KCNIP4: variants seen among roughly 807,000 people sequenced by gnomAD.
KCNIP4 encodes the protein Kv channel-interacting protein 4.
Under a neutral mutation model 34.0 loss-of-function variants are expected in KCNIP4, and 12 were observed. The observed-to-expected ratio is 0.35, with a 90% CI of 0.23 to 0.57. The LOEUF is 0.57. Ranked by LOEUF, KCNIP4 falls within the 20% of genes least tolerant of loss-of-function variation. KCNIP4 has a pLI of 0.83. For missense variants in KCNIP4, 238 were observed against 311.7 expected, an observed-to-expected ratio of 0.76 and a Z score of 1.78; for synonymous variants, 124 against 102.2, an observed-to-expected ratio of 1.21 and a Z score of -1.29.
chr4:21,280,481 A>G (rs1762710430), intron 1 of KCNIP4, among the ~76,000 whole-genome samples: 1 of 152,222 alleles, frequency 6.6e-6, no homozygotes, highest in Non-Finnish European at 1.5e-5. Flanking sequence ...TTCTAGTAAC[A>G]GCAAAAGCCT....
intron 1 of KCNIP4, among the ~76,000 whole-genome samples, chr4:21,687,860 C>G (rs187978175): frequency 1.1e-3 from 167 of 152,224 alleles, no homozygotes; most frequent in Non-Finnish European, 1.8e-3. Flanking sequence ...AGTAATCACA[C>G]AGCTCTTAAG....
chr4:21,618,025 A>C (rs1744720833), intron 1 of KCNIP4, among the ~76,000 whole-genome samples: 1 of 152,238 alleles, frequency 6.6e-6, no homozygotes, highest in Non-Finnish European at 1.5e-5. Flanking sequence ...CATGTTGTCC[A>C]GAATTATCTA....
At chr4:20,939,596 T>A (rs1731427356) in intron 1 of KCNIP4, among the ~76,000 whole-genome samples, 1 of 151,954 alleles carries the variant, frequency 6.6e-6, no homozygotes. Flanking sequence ...ATGGTCTCGA[T>A]TTCTTGGCCT....
chr4:21,455,626 T>G (rs1056088091), intron 1 of KCNIP4, among the ~76,000 whole-genome samples: 9 of 61,140 alleles, frequency 1.5e-4, no homozygotes, highest in East Asian at 5.9e-4. Context: ...AAACTGAAGG[T>G]TTTTTTTTTT....
intron 1 of KCNIP4, among the ~76,000 whole-genome samples, chr4:21,372,386 A>ATAGATAGATAGATAGATAGT (rs1323077380): frequency 6.8e-5 from 10 of 146,960 alleles, no homozygotes; most frequent in African/African-American, 2.7e-4. Flanking sequence ...AGATAGATAG[A>ATAGATAGATAGATAGATAGT]TAGATAGTTA....
intron 1 of KCNIP4, among the ~76,000 whole-genome samples, chr4:21,277,113 T>C (rs960519288): frequency 6.6e-6 from 1 of 152,210 alleles, no homozygotes; most frequent in African/African-American, 2.4e-5. Flanking sequence ...CATATAGCCG[T>C]ATTCAATTCC....
At chr4:21,059,053 T>A (rs1358321561) in intron 1 of KCNIP4, among the ~76,000 whole-genome samples, 1 of 152,112 alleles carries the variant, frequency 6.6e-6, no homozygotes, top group African/African-American at 2.4e-5. Context: ...ATGTAAGACG[T>A]CCCTTTGCTC....
At chr4:20,817,656 T>G in intron 3 of KCNIP4, among the ~76,000 whole-genome samples, 1 of 152,016 alleles carries the variant, frequency 6.6e-6, no homozygotes, top group East Asian at 1.9e-4. Context: ...TTTTCCTTGA[T>G]TACAAGCTCT....
At chr4:20,852,039 A>T (rs755916717) in intron 2 of KCNIP4, among the ~76,000 whole-genome samples, 4 of 152,164 alleles carry the variant, frequency 2.6e-5, no homozygotes, top group Non-Finnish European at 5.9e-5. Context: ...ACAAACAAAA[A>T]AAATAGAACC....
At chr4:21,414,734 A>C (rs1019683310) in intron 1 of KCNIP4, among the ~76,000 whole-genome samples, 1 of 152,232 alleles carries the variant, frequency 6.6e-6, no homozygotes, top group Non-Finnish European at 1.5e-5. Context: ...ATACAATGGA[A>C]TATTATTGAA....
chr4:21,472,228 T>C lies in KCNIP4; in HGVS notation c.61+476343A>G, dbSNP rs114880717. On this transcript the variant is annotated intron_variant, in intron 1 of 8. Transcript: ENST00000382152. ...GAGAGTAGACACAATGTGTGTCACATTTAGGGTGGAGCAGATAAGAAGCAA... is the reference window on the plus strand; with the variant it reads ...GAGAGTAGACACAATGTGTGTCACACTTAGGGTGGAGCAGATAAGAAGCAA... Among the ~76,000 whole-genome samples the C allele has an allele frequency of 7.8e-3, 1,189 of 152,112 alleles. 13 individuals are homozygous for C. Among genetic ancestry groups the C allele is most frequent in the African/African-American group, 0.028 (1,143 of 41,504 alleles).
At chr4:21,719,085 A>T (rs553825355) in intron 1 of KCNIP4, 1 of 152,352 alleles carries the variant, frequency 6.6e-6, no homozygotes, top group South Asian at 2.1e-4. Context: ...GTGATCATTG[A>T]AGTAATATTT....
At chr4:21,394,100 A>G (rs1722772414) in intron 1 of KCNIP4, among the ~76,000 whole-genome samples, 1 of 152,202 alleles carries the variant, frequency 6.6e-6, no homozygotes, top group Admixed American at 6.5e-5. Flanking sequence ...TAGAGAAAAA[A>G]TTATGAACCT....
At chr4:21,480,921 A>C (rs1731372967) in intron 1 of KCNIP4, among the ~76,000 whole-genome samples, 1 of 152,224 alleles carries the variant, frequency 6.6e-6, no homozygotes, top group African/African-American at 2.4e-5. Context: ...TATTGCACAC[A>C]GCATGGCCAC....
chr4:21,554,353 T>C (rs1240561434), intron 1 of KCNIP4, among the ~76,000 whole-genome samples: 1 of 152,082 alleles, frequency 6.6e-6, no homozygotes, highest in Non-Finnish European at 1.5e-5. Context: ...GGATTTTGCA[T>C]TTTATTCTAG....
intron 3 of KCNIP4, among the ~76,000 whole-genome samples, chr4:20,805,070 G>A (rs1240987200): frequency 1.3e-5 from 2 of 152,072 alleles, no homozygotes; most frequent in Non-Finnish European, 2.9e-5. Context: ...GTAGGTAGTG[G>A]TAGGTCAGGT....
intron 1 of KCNIP4, among the ~76,000 whole-genome samples, chr4:21,398,655 T>C (rs1350584021): frequency 6.6e-6 from 1 of 152,202 alleles, no homozygotes; most frequent in Non-Finnish European, 1.5e-5. Flanking sequence ...CCAGAGTGAA[T>C]AGTTAGTATC....
At chr4:21,082,254 T>C (rs1746067867) in intron 1 of KCNIP4, among the ~76,000 whole-genome samples, 1 of 151,790 alleles carries the variant, frequency 6.6e-6, no homozygotes, top group African/African-American at 2.4e-5. Flanking sequence ...GAGACACCAC[T>C]AAGCATATAC....
At chr4:21,817,750 T>C (rs748215093) in intron 1 of KCNIP4, among the ~76,000 whole-genome samples, 6 of 152,002 alleles carry the variant, frequency 3.9e-5, no homozygotes, top group Non-Finnish European at 7.4e-5. Flanking sequence ...CTTACTAGGG[T>C]GGGGAAAAAC....
Sources: gnomAD v4.1 joint callset for allele counts (sites outside exome capture counted in the v4.1 genomes callset) on GRCh38, gnomAD v4.1.1 for gene constraint, MANE v1.5 for transcripts, NCBI Gene and HGNC (gene_info 2026-07-23, HGNC 2026-07-21) for gene names.